MAP4K4: variants seen among roughly 807,000 people sequenced by gnomAD.
MAP4K4 encodes HPK/GCK-like kinase HGK.
A neutral mutation model predicts 189.6 loss-of-function variants in MAP4K4; 38 were observed. The observed-to-expected ratio is 0.20, with a 90% CI of 0.15 to 0.26. MAP4K4 has a LOEUF of 0.26. Among genes scored for constraint, MAP4K4 ranks in the 10% least tolerant of loss-of-function variants. MAP4K4 has a pLI of 1.00. For missense variants in MAP4K4, 1,054 were observed against 1,726.9 expected (o/e 0.61, Z 6.91); for synonymous variants, 610 against 624.3 (o/e 0.98, Z 0.34).
At chr2:101,760,785 C>T (rs2076036275) in intron 2 of MAP4K4, among the ~76,000 whole-genome samples, 1 of 152,096 alleles carries the variant, frequency 6.6e-6, no homozygotes, top group Non-Finnish European at 1.5e-5. Context: ...GGGCGGATCA[C>T]CTGAGGTTGG....
chr2:101,891,293 A>G (rs2098564170), exon 33 of MAP4K4: 1 of 1,539,888 alleles, frequency 6.5e-7, no homozygotes, highest in Non-Finnish European at 9.0e-7. Flanking sequence ...AGTCTTCAAG[A>G]TCCTGAGAAC....
At chr2:101,820,702 A>G (rs933970368) in intron 3 of MAP4K4, among the ~76,000 whole-genome samples, 2 of 152,154 alleles carry the variant, frequency 1.3e-5, no homozygotes, top group Non-Finnish European at 2.9e-5. Context: ...GCCTGTCTTG[A>G]CAAGCCTCAC....
chr2:101,748,315 A>G (rs183375880), intron 2 of MAP4K4, among the ~76,000 whole-genome samples: 6 of 152,308 alleles, frequency 3.9e-5, no homozygotes, highest in South Asian at 4.1e-4. Flanking sequence ...CTCTGTGTAT[A>G]TGGAAGTAAC....
chr2:101,737,792 G>T (rs2061067387), intron 2 of MAP4K4, among the ~76,000 whole-genome samples: 1 of 151,970 alleles, frequency 6.6e-6, no homozygotes, highest in Non-Finnish European at 1.5e-5. Context: ...TCAGGGTCCA[G>T]ATTCTGCCTT....
intron 11 of MAP4K4, among the ~76,000 whole-genome samples, chr2:101,843,071 G>A (rs1286080429): frequency 6.6e-6 from 1 of 152,220 alleles, no homozygotes; most frequent in Non-Finnish European, 1.5e-5. Flanking sequence ...CAGCAGGACT[G>A]TGTTGTGTCC....
intron 2 of MAP4K4, among the ~76,000 whole-genome samples, chr2:101,721,674 A>G (rs2052184598): frequency 6.6e-6 from 1 of 152,106 alleles, no homozygotes; most frequent in Non-Finnish European, 1.5e-5. Context: ...TGACCTCGTG[A>G]TCCGCCCACC....
chr2:101,834,596 A>T (rs946462234), intron 8 of MAP4K4, 133 bp downstream of exon 8: 3 of 672,436 alleles, frequency 4.5e-6, no homozygotes, highest in Non-Finnish European at 7.7e-6. Context: ...GGCAACATAA[A>T]TATAGTCAAG....
chr2:101,888,906 C>T, exon 32 of MAP4K4: 1 of 1,612,704 alleles, frequency 6.2e-7, no homozygotes, highest in Non-Finnish European at 8.5e-7. Context: ...GGCTCAAAGA[C>T]TAAAATTCTT....
intron 2 of MAP4K4, among the ~76,000 whole-genome samples, chr2:101,773,354 C>T (rs1054723579): frequency 6.6e-6 from 1 of 152,234 alleles, no homozygotes; most frequent in East Asian, 1.9e-4. Flanking sequence ...GGGCCTCTCA[C>T]TGAGCAGACA....
chr2:101,865,066 C>T (rs368281512), intron 18 of MAP4K4, 30 bp downstream of exon 18: 1 of 1,345,994 alleles, frequency 7.4e-7, no homozygotes, highest in Non-Finnish European at 1.0e-6. Context: ...TGAGAACAGG[C>T]CTTCTGTGCA....
intron 22 of MAP4K4, 137 bp from the exon 23 acceptor site, chr2:101,870,158 A>C: frequency 1.2e-6 from 1 of 828,430 alleles, no homozygotes; most frequent in Non-Finnish European, 1.9e-6. Flanking sequence ...GAGAAAGCTA[A>C]GCAGTTGCTT....
At chr2:101,860,916 G>C (rs371929766) in exon 16 of MAP4K4, 8 of 1,607,044 alleles carry the variant, frequency 5.0e-6, no homozygotes, top group East Asian at 2.2e-5. Context: ...GTGCCTTCCC[G>C]ATCAGAGTCT....
intron 12 of MAP4K4, among the ~76,000 whole-genome samples, chr2:101,850,156 T>C (rs2097236609): frequency 6.6e-6 from 1 of 152,194 alleles, no homozygotes; most frequent in Admixed American, 6.5e-5. Flanking sequence ...TTTGCCTTTC[T>C]TCCACCAAGA....
At chr2:101,827,182 C>T (rs1469658873) in intron 5 of MAP4K4, among the ~76,000 whole-genome samples, 2 of 152,120 alleles carry the variant, frequency 1.3e-5, no homozygotes, top group Non-Finnish European at 2.9e-5. Context: ...CGTCTCTAAG[C>T]CAACTTGAGT....
At position 101,743,262 on chromosome 2, in the gene MAP4K4, C is replaced by G. The variant is rs913783666; in HGVS notation, c.123+44724C>G. Among the ~76,000 whole-genome samples, 18 of 152,224 alleles carry G rather than the reference C, an allele frequency of 1.2e-4. No individual in the cohort carries two copies. In the South Asian group the frequency reaches 3.7e-3, roughly 32 times the overall value. ...GAGCAGATAGATGTTGATTAATGCT[C>G]TTTTGCCTTGTTTTTTGGCTTTTTT... On this transcript the variant is annotated intron_variant, in intron 2 of 32. Coordinates refer to ENST00000324219, the Ensembl canonical transcript of MAP4K4.
intron 15 of MAP4K4, 73 bp downstream of exon 15, chr2:101,859,937 T>C: frequency 2.8e-6 from 4 of 1,404,136 alleles, no homozygotes; most frequent in Non-Finnish European, 3.0e-6. Context: ...CTGTGTCATA[T>C]GAGTTCTAGA....
At chr2:101,877,742 C>CTTAT (rs200579848) in intron 27 of MAP4K4, among the ~76,000 whole-genome samples, 20,034 of 151,282 alleles carry the variant, frequency 0.13, 1,603 homozygotes, top group South Asian at 0.18. Context: ...CTCTTTTTTA[C>CTTAT]TTATTTATTT....
chr2:101,720,005 T>G (rs2050788291), intron 2 of MAP4K4, among the ~76,000 whole-genome samples: 1 of 151,660 alleles, frequency 6.6e-6, no homozygotes, highest in Admixed American at 6.6e-5. Context: ...AGAGTGAGAC[T>G]AGGTCTCAAA....
At chr2:101,887,561 A>G (rs2098505737) in intron 30 of MAP4K4, among the ~76,000 whole-genome samples, 1 of 152,168 alleles carries the variant, frequency 6.6e-6, no homozygotes, top group Non-Finnish European at 1.5e-5. Context: ...CCAATGTTTC[A>G]TGGGCCTCAG....
Sources: allele counts gnomAD v4.1 joint callset (sites outside exome capture counted in the v4.1 genomes callset), GRCh38; gene constraint gnomAD v4.1.1; transcripts MANE v1.5; gene names NCBI Gene and HGNC (gene_info 2026-07-23, HGNC 2026-07-21).